Variants in CUX1 observed in about 807,000 individuals in gnomAD.
CUX1 encodes the protein cut like homeobox 1.
A neutral mutation model predicts 158.8 loss-of-function variants in CUX1; 31 were observed. The ratio of observed to expected loss-of-function variants is 0.20; its 90% confidence interval spans 0.15 to 0.26. The LOEUF is 0.26. Among genes scored for constraint, CUX1 ranks in the 10% least tolerant of loss-of-function variants. The pLI is 1.00. For missense variants in CUX1, 1,589 were observed against 2,014.6 expected (o/e 0.79, Z 4.04); for synonymous variants, 879 against 862.1 (o/e 1.02, Z -0.34).
At chr7:102,016,153 G>C (rs1026801572) in intron 2 of CUX1, among the ~76,000 whole-genome samples, 3 of 152,054 alleles carry the variant, frequency 2.0e-5, no homozygotes, top group African/African-American at 7.3e-5. Flanking sequence ...TGGTTATGTT[G>C]CCCAGGCTGG....
At chr7:102,230,107 C>T (rs559583517) in intron 21 of CUX1, among the ~76,000 whole-genome samples, 1 of 152,258 alleles carries the variant, frequency 6.6e-6, no homozygotes, top group African/African-American at 2.4e-5. Flanking sequence ...CGAGTGGTTG[C>T]AGTTTGTCTG....
chr7:102,099,366 T>G (rs1348622797), intron 5 of CUX1, among the ~76,000 whole-genome samples: 1 of 152,110 alleles, frequency 6.6e-6, no homozygotes, highest in Admixed American at 6.5e-5. Context: ...TACCTTCCCT[T>G]GTAGGAAGCA....
At chr7:102,177,013 G>A (rs963077032) in intron 10 of CUX1, among the ~76,000 whole-genome samples, 13 of 151,258 alleles carry the variant, frequency 8.6e-5, no homozygotes, top group Non-Finnish European at 1.6e-4. Context: ...AGCATTTAGT[G>A]AGGTTAAGGG....
intron 3 of CUX1, among the ~76,000 whole-genome samples, chr7:102,066,114 T>C (rs10225745): frequency 0.14 from 20,811 of 152,076 alleles, 3,180 homozygotes; most frequent in African/African-American, 0.38. Context: ...AAAACCCCGA[T>C]GTCCACGGGG....
chr7:102,261,667 G>T (rs1249859473), downstream of CUX1, among the ~76,000 whole-genome samples: 1 of 151,982 alleles, frequency 6.6e-6, no homozygotes, highest in Non-Finnish European at 1.5e-5. Context: ...GTGTCTCTGT[G>T]GTCAGGAGAC....
intron 2 of CUX1, among the ~76,000 whole-genome samples, chr7:101,986,490 A>G (rs1192380607): frequency 6.6e-6 from 1 of 152,236 alleles, no homozygotes; most frequent in Non-Finnish European, 1.5e-5. Context: ...AATGCCTATT[A>G]CAGGCGGCAC....
At chr7:102,020,028 A>G (rs1029868603) in intron 2 of CUX1, among the ~76,000 whole-genome samples, 1 of 152,216 alleles carries the variant, frequency 6.6e-6, no homozygotes, top group African/African-American at 2.4e-5. Context: ...TGGGTGGCCT[A>G]TACACTGTAA....
intron 3 of CUX1, among the ~76,000 whole-genome samples, chr7:102,056,132 A>G (rs952436448): frequency 1.3e-5 from 2 of 152,260 alleles, no homozygotes; most frequent in Non-Finnish European, 1.5e-5. Context: ...GAAAGAATTT[A>G]TCTCCATAAT....
chr7:102,119,029 C>T (rs1012690121), intron 8 of CUX1, among the ~76,000 whole-genome samples: 7 of 152,150 alleles, frequency 4.6e-5, no homozygotes, highest in Non-Finnish European at 8.8e-5. Flanking sequence ...GGATTACAGG[C>T]GTGAGCCACT....
At chr7:102,195,416 A>C in intron 13 of CUX1, 91 bp from the exon 14 acceptor site, 1 of 992,382 alleles carries the variant, frequency 1.0e-6, no homozygotes, top group South Asian at 1.6e-5. Flanking sequence ...GAACGCGGAC[A>C]GATGGAGGGA....
intron 21 of CUX1, among the ~76,000 whole-genome samples, chr7:102,229,199 G>T (rs191150158): frequency 6.6e-6 from 1 of 152,196 alleles, no homozygotes; most frequent in Admixed American, 6.5e-5. Flanking sequence ...CCTCGGCCTG[G>T]CACATGCTCT....
At chr7:101,825,662 A>T (rs917155932) in intron 1 of CUX1, among the ~76,000 whole-genome samples, 2 of 151,764 alleles carry the variant, frequency 1.3e-5, no homozygotes, top group African/African-American at 4.8e-5. Flanking sequence ...TTGTCAGGGG[A>T]GTAAGAAGTA....
At chr7:101,958,785 T>C (rs774748004) in intron 2 of CUX1, among the ~76,000 whole-genome samples, 2 of 151,166 alleles carry the variant, frequency 1.3e-5, no homozygotes, top group Non-Finnish European at 2.9e-5. Flanking sequence ...GTCCTGAAGT[T>C]TTCACAGAAG....
intron 20 of CUX1, among the ~76,000 whole-genome samples, chr7:102,221,048 A>C (rs1446883071): frequency 4.0e-5 from 6 of 148,994 alleles, no homozygotes. Context: ...GGCCACGACC[A>C]CCTCCCCTCT....
intron 2 of CUX1, among the ~76,000 whole-genome samples, chr7:101,946,084 G>A (rs1808326621): frequency 6.6e-6 from 1 of 152,204 alleles, no homozygotes; most frequent in Non-Finnish European, 1.5e-5. Context: ...CCAGCAGTCA[G>A]GGACTGAGGA....
At chr7:101,860,095 CTCT>C (rs1046068902) in intron 1 of CUX1, among the ~76,000 whole-genome samples, 1 of 151,702 alleles carries the variant, frequency 6.6e-6, no homozygotes. Context: ...CTCTCCTATC[CTCT>C]TCTTCCTTTT....
chr7:102,111,594 C>A, intron 6 of CUX1, 104 bp from the exon 7 acceptor site: 2 of 1,072,684 alleles, frequency 1.9e-6, no homozygotes, highest in Non-Finnish European at 2.9e-6. Flanking sequence ...GTGCGCCTGC[C>A]GCCAGCTGAG....
At chr7:102,216,892 C>T (rs1797283067) in intron 20 of CUX1, among the ~76,000 whole-genome samples, 1 of 145,756 alleles carries the variant, frequency 6.9e-6, no homozygotes, top group Admixed American at 6.9e-5. Context: ...ATCTCACACA[C>T]ACACACACAC....
rs561310307 is a variant in CUX1, at chr7:102,215,456, A to G, written c.3130+10286A>G. On this transcript the variant is annotated intron_variant, in intron 20 of 23. Transcript: ENST00000292535. The stretch of plus-strand genomic sequence containing the variant: ...CGGTCCACTGCCTGATTAATATGCA[A>G]ATAATAGGCTGATTGCATGATGAAT... Among the ~76,000 whole-genome samples the G allele has an allele frequency of 1.9e-3, 282 of 152,240 alleles. 4 individuals carry two copies. The South Asian group carries it at 0.034, about 19-fold the overall frequency.
Sources: allele counts gnomAD v4.1 joint callset (sites outside exome capture counted in the v4.1 genomes callset), GRCh38; gene constraint gnomAD v4.1.1; transcripts MANE v1.5; gene names NCBI Gene and HGNC (gene_info 2026-07-23, HGNC 2026-07-21).